Variants in RIT2 observed in about 807,000 individuals in gnomAD.
RIT2 encodes the protein Ras like without CAAX 2.
In RIT2, 24 loss-of-function variants were observed where a neutral mutation model predicts 23.7. The observed-to-expected ratio is 1.01, with a 90% CI of 0.73 to 1.43. The LOEUF is 1.43. Among genes scored for constraint, RIT2 ranks in the 40% most tolerant of loss-of-function variants. The pLI is 0.00. For missense variants in RIT2, 236 were observed against 266.9 expected, an observed-to-expected ratio of 0.88 and a Z score of 0.81; for synonymous variants, 107 against 91.1, an observed-to-expected ratio of 1.17 and a Z score of -0.99.
intron 4 of RIT2, among the ~76,000 whole-genome samples, chr18:42,832,395 C>T (rs1327498281): frequency 6.6e-6 from 1 of 152,042 alleles, no homozygotes; most frequent in Non-Finnish European, 1.5e-5. Flanking sequence ...TCACTTGATC[C>T]CACCCATAAT....
At chr18:42,863,820 A>G (rs1314154876) in intron 4 of RIT2, among the ~76,000 whole-genome samples, 1 of 152,178 alleles carries the variant, frequency 6.6e-6, no homozygotes, top group African/African-American at 2.4e-5. Flanking sequence ...AGAAAATTCT[A>G]GAAAGCCCCT....
chr18:42,923,654 T>C lies in RIT2; in HGVS notation c.344A>G (p.Glu115Gly), dbSNP rs1432933021. The change falls in exon 4 of 5, where the codon GAG becomes GGG. Residue 115 changes from glutamate (E) to glycine (G), a missense_variant. Glu to Gly is a moderately conservative substitution (Grantham distance 98). Coordinates refer to ENST00000326695, the MANE Select transcript of RIT2 (RefSeq NM_002930.4). ...QSFQEAAKFK[E>G]LIFQVRHTYE... ...GGTGTGGCGGACCTGAAAAATGAGC[T>C]CTTTAAACTTGGCAGCCTCCTGAAA... 6.2e-7 allele frequency: 1 copy of C among 1,613,320 alleles called. No individual in the cohort carries two copies. Among genetic ancestry groups the C allele is most frequent in the African/African-American group, 1.3e-5 (1 of 74,880 alleles).
intron 4 of RIT2, among the ~76,000 whole-genome samples, chr18:42,761,391 G>A (rs980846327): frequency 6.6e-6 from 1 of 152,034 alleles, no homozygotes; most frequent in African/African-American, 2.4e-5. Context: ...CTTATCACTT[G>A]TCTATTATTA....
chr18:42,780,004 T>C (rs531384972), intron 4 of RIT2, among the ~76,000 whole-genome samples: 338 of 149,020 alleles, frequency 2.3e-3, no homozygotes, highest in African/African-American at 7.4e-3. Context: ...AAATGTTTTA[T>C]ATATATTAAA....
At chr18:42,974,307 T>C (rs777233873) in intron 2 of RIT2, among the ~76,000 whole-genome samples, 160 bp from the exon 3 acceptor site, 24 of 151,938 alleles carry the variant, frequency 1.6e-4, no homozygotes, top group Non-Finnish European at 2.6e-4. Context: ...CTCAGGAAAA[T>C]ATAGGAGAAA....
intron 4 of RIT2, among the ~76,000 whole-genome samples, chr18:42,911,694 G>T (rs979342241): frequency 1.3e-5 from 2 of 151,898 alleles, no homozygotes; most frequent in African/African-American, 4.8e-5. Context: ...AAGGTGGAAG[G>T]AATAAAACAC....
At chr18:42,917,858 T>A (rs1908952336) in intron 4 of RIT2, among the ~76,000 whole-genome samples, 1 of 152,098 alleles carries the variant, frequency 6.6e-6, no homozygotes, top group Non-Finnish European at 1.5e-5. Context: ...TTGTGCTCAA[T>A]GCCATCTTTT....
chr18:43,113,516 A>G (rs1371943402), intron 1 of RIT2, among the ~76,000 whole-genome samples: 2 of 152,212 alleles, frequency 1.3e-5, no homozygotes, highest in East Asian at 1.9e-4. Context: ...TCTGTGGGCC[A>G]TGTGTCACAT....
chr18:42,867,364 C>G (rs1907500076), intron 4 of RIT2, among the ~76,000 whole-genome samples: 1 of 151,950 alleles, frequency 6.6e-6, no homozygotes, highest in African/African-American at 2.4e-5. Context: ...CTATCAAACT[C>G]CAAGCAGATG....
chr18:42,846,396 T>C lies in RIT2; in HGVS notation c.426+77176A>G, dbSNP rs757047626. ...AAAAACAAGCTTTTCAAACCATGAA[T>C]TTGAGTATGTATTTATTAAAAACAT... On this transcript the variant is annotated intron_variant, in intron 4 of 4. Coordinates refer to ENST00000326695, the MANE Select transcript of RIT2 (RefSeq NM_002930.4). Among the ~76,000 whole-genome samples, 8 of 152,036 alleles carry C rather than the reference T, an allele frequency of 5.3e-5. No homozygotes were observed. The South Asian group carries it at 8.3e-4, about 16-fold the overall frequency.
chr18:42,991,104 A>AAATCAT (rs537099980), intron 2 of RIT2, among the ~76,000 whole-genome samples: 262 of 152,278 alleles, frequency 1.7e-3, no homozygotes, highest in African/African-American at 5.8e-3. Context: ...AAACGCAGGA[A>AAATCAT]AATCATGATA....
intron 3 of RIT2, among the ~76,000 whole-genome samples, chr18:42,967,374 G>C (rs1399583210): frequency 6.6e-6 from 1 of 151,282 alleles, no homozygotes; most frequent in Admixed American, 6.6e-5. Flanking sequence ...GTAAAAGGTG[G>C]TTGTTGTTGT....
intron 4 of RIT2, among the ~76,000 whole-genome samples, chr18:42,798,884 G>C (rs566957689): frequency 1.9e-4 from 29 of 152,338 alleles, no homozygotes; most frequent in African/African-American, 7.0e-4. Flanking sequence ...GAGCCATAAA[G>C]AACCCTCCCC....
chr18:42,793,509 G>A (rs1355725838), intron 4 of RIT2, among the ~76,000 whole-genome samples: 1 of 152,082 alleles, frequency 6.6e-6, no homozygotes, highest in Non-Finnish European at 1.5e-5. Flanking sequence ...TAAGGAAAAG[G>A]TCTCATTAAG....
intron 4 of RIT2, among the ~76,000 whole-genome samples, chr18:42,909,073 C>T (rs1211132394): frequency 6.6e-6 from 1 of 152,094 alleles, no homozygotes. Flanking sequence ...TGGAACCAAA[C>T]TAAGTGCCCA....
intron 1 of RIT2, among the ~76,000 whole-genome samples, chr18:43,073,547 C>G (rs559539838): frequency 6.6e-6 from 1 of 152,252 alleles, no homozygotes; most frequent in South Asian, 2.1e-4. Context: ...ATAACTAAGG[C>G]CCTCGTCCAA....
intron 1 of RIT2, among the ~76,000 whole-genome samples, chr18:43,068,542 G>A (rs1048299175): frequency 1.3e-5 from 2 of 152,104 alleles, no homozygotes; most frequent in African/African-American, 2.4e-5. Flanking sequence ...AAACCAGGAG[G>A]CATAGTGTCA....
intron 3 of RIT2, among the ~76,000 whole-genome samples, chr18:42,929,412 T>G (rs1909272918): frequency 6.6e-6 from 1 of 152,064 alleles, no homozygotes; most frequent in Non-Finnish European, 1.5e-5. Flanking sequence ...GACGGAAGCT[T>G]CAAGCAAGAT....
At chr18:43,004,162 C>T (rs1199269361) in intron 2 of RIT2, among the ~76,000 whole-genome samples, 2 of 151,736 alleles carry the variant, frequency 1.3e-5, no homozygotes, top group Non-Finnish European at 2.9e-5. Flanking sequence ...GCTTTCATTT[C>T]ATATTACTGT....
Sources: allele counts gnomAD v4.1 joint callset (sites outside exome capture counted in the v4.1 genomes callset), GRCh38; gene constraint gnomAD v4.1.1; transcripts MANE v1.5; gene names NCBI Gene and HGNC (gene_info 2026-07-23, HGNC 2026-07-21).